Variants in TMC1 observed in about 807,000 individuals in gnomAD.
The protein encoded by TMC1 is transmembrane channel-like protein 1.
TMC1 carries 84 observed loss-of-function variants against 105.8 expected under a neutral mutation model. The ratio of observed to expected loss-of-function variants is 0.79; its 90% CI spans 0.67 to 0.95. The LOEUF is 0.95. Ranked by LOEUF, TMC1 falls within the 40% of genes least tolerant of loss-of-function variation. The pLI, the probability that TMC1 is intolerant of heterozygous loss-of-function variation, is 0.00. For missense variants in TMC1, 817 were observed against 914.1 expected (o/e 0.89, Z 1.37); for synonymous variants, 315 against 311.5 (o/e 1.01, Z -0.12).
At chr9:72,805,697 C>A (rs1357780104) in intron 18 of TMC1, among the ~76,000 whole-genome samples, 187 bp downstream of exon 18, 2 of 151,428 alleles carry the variant, frequency 1.3e-5, no homozygotes, top group Admixed American at 6.6e-5. Context: ...TGCGGCCTTC[C>A]GCAGTGTTTG....
intron 4 of TMC1, 127 bp downstream of exon 4, chr9:72,628,190 C>A: frequency 2.7e-6 from 1 of 372,520 alleles, no homozygotes; most frequent in Non-Finnish European, 5.5e-6. Context: ...CCTGGGTTTG[C>A]TAAATCCTGG....
In TMC1 at chr9:72,734,266, G is replaced by A. The variant is rs530195612; in HGVS notation, c.363-5853G>A. 8.4e-4 allele frequency among the ~76,000 whole-genome samples: 128 copies of A among 152,282 alleles called. 1 individual carries two copies. The highest frequency in any genetic ancestry group is 2.3e-3 in the Admixed American group (35 of 15,296). ...GTGGAAGGCAAAACTGCAGATAAGG[G>A]GGAACTACTGTAATAGTTACTGCTT... On this transcript the variant is annotated intron_variant, in intron 8 of 23. Coordinates refer to ENST00000297784, the MANE Select transcript of TMC1 (RefSeq NM_138691.3).
intron 23 of TMC1, among the ~76,000 whole-genome samples, chr9:72,832,797 A>T (rs538599516): frequency 6.6e-6 from 1 of 152,054 alleles, no homozygotes; most frequent in Non-Finnish European, 1.5e-5. Context: ...TGAAATTTTT[A>T]ATTTTTTAAA....
chr9:72,537,744 G>A (rs996540501), intron 1 of TMC1, among the ~76,000 whole-genome samples: 2 of 152,120 alleles, frequency 1.3e-5, no homozygotes, highest in African/African-American at 4.8e-5. Flanking sequence ...GCCCAGAAAG[G>A]CAAGACATCT....
intron 17 of TMC1, among the ~76,000 whole-genome samples, chr9:72,796,737 C>A (rs1403095038): frequency 6.6e-6 from 1 of 152,046 alleles, no homozygotes; most frequent in Admixed American, 6.6e-5. Context: ...ATAATAAGAG[C>A]CTTCTATGAC....
chr9:72,755,071 G>GGAGAGA (rs55848138), intron 12 of TMC1, among the ~76,000 whole-genome samples, 187 bp downstream of exon 12: 372 of 126,960 alleles, frequency 2.9e-3, no homozygotes, highest in South Asian at 0.011. Flanking sequence ...AGGGAGGGAG[G>GGAGAGA]GAGAGAGAGA....
intron 17 of TMC1, among the ~76,000 whole-genome samples, chr9:72,796,980 C>T (rs1828381939): frequency 6.6e-6 from 1 of 152,008 alleles, no homozygotes; most frequent in Non-Finnish European, 1.5e-5. Context: ...AACCCCATTA[C>T]CCCGGCCCAA....
intron 8 of TMC1, among the ~76,000 whole-genome samples, chr9:72,739,675 A>C (rs1210091953): frequency 6.6e-6 from 1 of 152,126 alleles, no homozygotes; most frequent in Non-Finnish European, 1.5e-5. Context: ...GTACCAGGTC[A>C]TTAAGTGTGT....
At position 72,820,837 on chromosome 9, in the gene TMC1, T is replaced by C. The variant is rs373603119; in HGVS notation, c.1764-5T>C. 73 of 1,614,082 alleles carry C rather than the reference T, an allele frequency of 4.5e-5. No individual in the cohort carries two copies. In the African/African-American group the frequency reaches 8.0e-4, roughly 18 times the overall value. On this transcript the variant is annotated splice_polypyrimidine_tract_variant and splice_region_variant and intron_variant, in intron 19 of 23. Coordinates refer to ENST00000297784, the MANE Select transcript of TMC1 (RefSeq NM_138691.3). ...AAACTGAGCAGAGTTCTGTTTTCTT[T>C]CTAGGATGGGCTCCTTCTTTGCTCC... is the stretch of plus-strand genomic sequence containing the variant.
intron 1 of TMC1, among the ~76,000 whole-genome samples, chr9:72,551,912 C>A (rs969351630): frequency 6.6e-6 from 1 of 151,954 alleles, no homozygotes; most frequent in African/African-American, 2.4e-5. Context: ...CAAATATTGC[C>A]GGCAATATCA....
intron 13 of TMC1, among the ~76,000 whole-genome samples, chr9:72,779,457 G>A (rs1307013989): frequency 6.6e-6 from 1 of 152,178 alleles, no homozygotes; most frequent in Admixed American, 6.5e-5. Flanking sequence ...AGTCTGGATG[G>A]CAATGAAGAT....
chr9:72,822,523 T>A (rs1828892095), intron 20 of TMC1, among the ~76,000 whole-genome samples: 1 of 144,234 alleles, frequency 6.9e-6, no homozygotes, highest in South Asian at 2.2e-4. Flanking sequence ...GTTGTGTGTG[T>A]GTGTGTGTGT....
chr9:72,664,031 G>A (rs906071150), intron 5 of TMC1, among the ~76,000 whole-genome samples: 11 of 152,212 alleles, frequency 7.2e-5, no homozygotes, highest in African/African-American at 2.2e-4. Flanking sequence ...CGAAGCTCTC[G>A]TCTCCTGTGT....
chr9:72,828,946 C>G (rs988321908), intron 21 of TMC1, among the ~76,000 whole-genome samples: 1 of 152,152 alleles, frequency 6.6e-6, no homozygotes, highest in African/African-American at 2.4e-5. Context: ...ACAGAAAAAC[C>G]ATTCTTAATT....
chr9:72,655,741 CAAAAA>C, intron 5 of TMC1: 1 of 404,986 alleles, frequency 2.5e-6, no homozygotes. Flanking sequence ...GAATCCGTAT[CAAAAA>C]AAAAAAATCA....
rs71495328 is a variant in TMC1 at position 72,650,872 on chromosome 9, T to TTATATATATATATATATATATATA, written c.16+2218_16+2219insTATATATATATATATATATATATA. Among the ~76,000 whole-genome samples, 71 of 119,784 alleles carry TTATATATATATATATATATATATA rather than the reference T, an allele frequency of 5.9e-4. 1 individual carries two copies. Among genetic ancestry groups the TTATATATATATATATATATATATA allele is most frequent in the Non-Finnish European group, 8.5e-4 (49 of 57,774 alleles). The allele number at this position is 119,784 out of a possible 152,430, so 78.6% of individuals were successfully genotyped here. A position where few individuals can be genotyped will look rare whatever the true frequency, so the allele number is the denominator to read the frequency against. On this transcript the variant is annotated intron_variant, in intron 5 of 23. Coordinates refer to ENST00000297784, the MANE Select transcript of TMC1 (RefSeq NM_138691.3). ...GCTGCATGGTATTTCATGGTGTATT[T>TTATATATATATATATATATATATA]TATATATATAGATATATAGATATAT...
chr9:72,763,085 C>CTTTTT (rs148498655), intron 12 of TMC1, among the ~76,000 whole-genome samples: 3 of 109,490 alleles, frequency 2.7e-5, no homozygotes, highest in Non-Finnish European at 3.7e-5. Context: ...CTAGCGATGC[C>CTTTTT]TTTTTTTTTT....
At chr9:72,626,529 G>T (rs866477478) in intron 3 of TMC1, among the ~76,000 whole-genome samples, 1 of 152,160 alleles carries the variant, frequency 6.6e-6, no homozygotes, top group East Asian at 1.9e-4. Flanking sequence ...AAGAAATAAA[G>T]AAACATTTGC....
intron 12 of TMC1, among the ~76,000 whole-genome samples, chr9:72,759,934 G>A (rs1343705519): frequency 6.6e-6 from 1 of 152,088 alleles, no homozygotes; most frequent in Non-Finnish European, 1.5e-5. Flanking sequence ...TACTGACTCT[G>A]TTTCATGATA....
Sources: allele counts gnomAD v4.1 joint callset (sites outside exome capture counted in the v4.1 genomes callset), GRCh38; gene constraint gnomAD v4.1.1; transcripts MANE v1.5; gene names NCBI Gene and HGNC (gene_info 2026-07-23, HGNC 2026-07-21).